SFXN1: variants seen among roughly 807,000 people sequenced by gnomAD.
The protein encoded by SFXN1 is sideroflexin-1.
A neutral mutation model predicts 39.5 loss-of-function variants in SFXN1; 32 were observed. The observed-to-expected ratio is 0.81, with a 90% CI of 0.61 to 1.09. The LOEUF (loss-of-function observed/expected upper bound fraction) is 1.09, where lower values mean the gene tolerates loss of function less well. Among genes scored for constraint, SFXN1 ranks in the 50% least tolerant of loss-of-function variants. The pLI is 0.00. For missense variants in SFXN1, 402 were observed against 407.1 expected (o/e 0.99, Z 0.11); for synonymous variants, 136 against 146.5 (o/e 0.93, Z 0.52).
rs767519122 is a variant in SFXN1 at position 175,511,466 on chromosome 5, T to G, written c.450T>G (p.Ala150=). The change falls in exon 5 of 11, where the codon GCT becomes GCG. Residue 150 remains alanine, a synonymous_variant. Transcript: ENST00000321442. ...TTCTTTTCAGTGAGTTGGGAACAGC[T>G]TACGTTTCTGCAACAACTGGTGCCG... ...APLTVNELGT[A]YVSATTGAVA... 3 of 1,614,176 alleles carry G rather than the reference T, an allele frequency of 1.9e-6. No homozygotes were observed. The highest frequency in any genetic ancestry group is 2.5e-6 in the Non-Finnish European group (3 of 1,180,018).
intron 2 of SFXN1, among the ~76,000 whole-genome samples, chr5:175,497,926 G>A (rs1182026163): frequency 5.6e-5 from 7 of 124,726 alleles, no homozygotes; most frequent in Non-Finnish European, 8.1e-5. Context: ...GCAAAACTCC[G>A]TCTCAAAAAG....
intron 2 of SFXN1, among the ~76,000 whole-genome samples, chr5:175,496,596 C>G (rs1759868306): frequency 6.6e-6 from 1 of 152,060 alleles, no homozygotes; most frequent in South Asian, 2.1e-4. Context: ...TAATAATTTA[C>G]TAACATAACA....
intron 2 of SFXN1, among the ~76,000 whole-genome samples, chr5:175,495,821 C>G (rs1036604100): frequency 6.7e-6 from 1 of 150,108 alleles, no homozygotes; most frequent in Non-Finnish European, 1.5e-5. Context: ...TATAAATAGA[C>G]AAGTGATGAA....
chr5:175,498,997 G>A (rs1759971154), intron 2 of SFXN1, among the ~76,000 whole-genome samples: 1 of 152,220 alleles, frequency 6.6e-6, no homozygotes, highest in African/African-American at 2.4e-5. Flanking sequence ...GCTCACGCCT[G>A]TAATCCCAGC....
intron 4 of SFXN1, 38 bp downstream of exon 4, chr5:175,510,245 C>A: frequency 6.6e-7 from 1 of 1,517,690 alleles, no homozygotes; most frequent in Non-Finnish European, 9.1e-7. Context: ...TGCAGTTCTT[C>A]AACCTTCATT....
chr5:175,504,904 A>AT (rs1400440857), intron 2 of SFXN1, among the ~76,000 whole-genome samples: 1 of 151,798 alleles, frequency 6.6e-6, no homozygotes, highest in African/African-American at 2.4e-5. Context: ...GATTTTTTGT[A>AT]TTTTTAGTAG....
intron 6 of SFXN1, among the ~76,000 whole-genome samples, 184 bp from the exon 7 acceptor site, chr5:175,513,279 G>A (rs1028098442): frequency 7.3e-6 from 1 of 137,166 alleles, no homozygotes; most frequent in African/African-American, 2.8e-5. Flanking sequence ...TCCAGCCTGG[G>A]CAACAGAGTG....
chr5:175,493,961 G>A (rs183182453), intron 2 of SFXN1, among the ~76,000 whole-genome samples: 2 of 152,310 alleles, frequency 1.3e-5, no homozygotes, highest in African/African-American at 4.8e-5. Context: ...AAACAGGCCA[G>A]GCCGTGGACT....
chr5:175,503,801 G>A (rs1297431785), intron 2 of SFXN1, among the ~76,000 whole-genome samples: 2 of 151,986 alleles, frequency 1.3e-5, no homozygotes, highest in Non-Finnish European at 2.9e-5. Context: ...TCAGGAATTC[G>A]AGACCAGCCT....
chr5:175,489,995 T>A (rs1255972575), intron 1 of SFXN1, among the ~76,000 whole-genome samples: 1 of 152,212 alleles, frequency 6.6e-6, no homozygotes, highest in Non-Finnish European at 1.5e-5. Context: ...TCTCTTCCCT[T>A]TTAACTGTAA....
chr5:175,495,094 T>C lies in SFXN1; in HGVS notation c.164+2827T>C, dbSNP rs7702420. Among the ~76,000 whole-genome samples, 1,283 of 152,308 alleles carry C rather than the reference T, an allele frequency of 8.4e-3. 24 individuals carry two copies. Among genetic ancestry groups the C allele is most frequent in the African/African-American group, 0.029 (1,203 of 41,576 alleles). ...AATGTGCTCCCGCCATACAGTGGAATCCCATACAATGAAATAGCATTCAGC... is the reference window on the plus strand; with the variant it reads ...AATGTGCTCCCGCCATACAGTGGAACCCCATACAATGAAATAGCATTCAGC... On this transcript the variant is annotated intron_variant, in intron 2 of 10. Transcript: ENST00000321442.
chr5:175,500,198 A>C (rs534733233), intron 2 of SFXN1, among the ~76,000 whole-genome samples: 2 of 152,194 alleles, frequency 1.3e-5, no homozygotes, highest in Non-Finnish European at 2.9e-5. Flanking sequence ...AAAAAAAAGA[A>C]TTTACAAAAA....
intron 1 of SFXN1, among the ~76,000 whole-genome samples, chr5:175,479,930 G>A (rs1759168977): frequency 6.6e-6 from 1 of 152,112 alleles, no homozygotes; most frequent in African/African-American, 2.4e-5. Context: ...ATTGTTATAG[G>A]TGCCCAGGGA....
rs2271210 is a variant in SFXN1 at position 175,522,115 on chromosome 5, A to G, written c.824+147A>G. On this transcript the variant is annotated intron_variant, in intron 9 of 10. Transcript: ENST00000321442. ...AATGCATGGCCCCAAATAATTAAAT[A>G]GAAGTAAACTGTCTTTAGAGAAACC... 712 of 682,078 alleles carry G rather than the reference A, an allele frequency of 1.0e-3. 7 individuals carry two copies. The East Asian group carries it at 0.017, about 16-fold the overall frequency. 42.3% of individuals were successfully genotyped at this position (682,078 alleles called of 1,614,324 possible).
rs1335916856 is a variant in SFXN1 at position 175,526,768 on chromosome 5, A to G, written c.*34A>G. On this transcript the variant is annotated 3_prime_UTR_variant, in exon 11 of 11. Coordinates refer to ENST00000321442, the MANE Select transcript of SFXN1 (RefSeq NM_022754.7). ...GGAAACCTCTGCAGCTCATTCTGCC[A>G]CTGCAAAGCTGGTGTAGCCATGCTG... 1 of 1,545,692 alleles carries G rather than the reference A, an allele frequency of 6.5e-7. No individual in the cohort carries two copies. The highest frequency in any genetic ancestry group is 8.9e-7 in the Non-Finnish European group (1 of 1,118,424).
intron 4 of SFXN1, 57 bp downstream of exon 4, chr5:175,510,264 T>A: frequency 7.3e-7 from 1 of 1,365,986 alleles, no homozygotes; most frequent in Non-Finnish European, 1.0e-6. Context: ...TTTTATTAAG[T>A]GGTGATACTC....
At chr5:175,516,959 A>C (rs574553878) in intron 8 of SFXN1, among the ~76,000 whole-genome samples, 1 of 152,172 alleles carries the variant, frequency 6.6e-6, no homozygotes, top group Admixed American at 6.5e-5. Flanking sequence ...TTGGAATGAC[A>C]TGTGTACAAG....
chr5:175,501,062 GA>G (rs1760059190), intron 2 of SFXN1, among the ~76,000 whole-genome samples: 2 of 128,662 alleles, frequency 1.6e-5, no homozygotes, highest in African/African-American at 3.4e-5. Context: ...TATGGGCAAA[GA>G]TTTTTTTTTT....
intron 10 of SFXN1, among the ~76,000 whole-genome samples, chr5:175,526,343 C>T (rs1761059636): frequency 6.6e-6 from 1 of 152,120 alleles, no homozygotes; most frequent in Non-Finnish European, 1.5e-5. Flanking sequence ...CCAACACCAG[C>T]AGGGCCTGAG....
Sources: gnomAD v4.1 joint callset for allele counts (sites outside exome capture counted in the v4.1 genomes callset) on GRCh38, gnomAD v4.1.1 for gene constraint, MANE v1.5 for transcripts, NCBI Gene and HGNC (gene_info 2026-07-23, HGNC 2026-07-21) for gene names.